PLPPR5: variants seen among roughly 807,000 people sequenced by gnomAD.
The protein encoded by PLPPR5 is phospholipid phosphatase related 5.
PLPPR5 carries 16 observed loss-of-function variants against 33.9 expected under a neutral mutation model. The observed-to-expected ratio is 0.47, with a 90% CI of 0.32 to 0.72. PLPPR5 has a LOEUF of 0.72. Among genes scored for constraint, PLPPR5 ranks in the 30% least tolerant of loss-of-function variants. The probability of loss-of-function intolerance (pLI) is 0.03; values close to 1 mark genes in which losing one functional copy is unlikely to be tolerated. For missense variants in PLPPR5, 301 were observed against 406.7 expected, an observed-to-expected ratio of 0.74 and a Z score of 2.23; for synonymous variants, 163 against 150.3, an observed-to-expected ratio of 1.08 and a Z score of -0.62.
intron 1 of PLPPR5, among the ~76,000 whole-genome samples, chr1:98,958,728 T>A (rs557270166): frequency 6.6e-6 from 1 of 152,348 alleles, no homozygotes; most frequent in East Asian, 1.9e-4. Flanking sequence ...TACCTCCTCT[T>A]CAGTGCACCT....
intron 3 of PLPPR5, among the ~76,000 whole-genome samples, chr1:98,943,738 G>C (rs951077980): frequency 5.3e-5 from 8 of 152,206 alleles, no homozygotes; most frequent in African/African-American, 1.9e-4. Context: ...CACCTCTCAA[G>C]ATCTCAATAA....
chr1:98,901,535 T>C, intron 5 of PLPPR5, among the ~76,000 whole-genome samples: 1 of 152,132 alleles, frequency 6.6e-6, no homozygotes, highest in East Asian at 1.9e-4. Context: ...AAATTTGGTG[T>C]GTCAGTTATT....
intron 1 of PLPPR5, 110 bp from the exon 2 acceptor site, chr1:98,956,851 A>C: frequency 2.0e-4 from 157 of 782,808 alleles, no homozygotes; most frequent in Non-Finnish European, 2.6e-4. Context: ...TAATAATCTC[A>C]ATGTAAAACA....
intron 5 of PLPPR5, among the ~76,000 whole-genome samples, chr1:98,897,099 A>G (rs1021490279): frequency 3.3e-5 from 5 of 152,176 alleles, no homozygotes; most frequent in African/African-American, 9.6e-5. Flanking sequence ...TATTTGAAAG[A>G]TTAATAATTA....
intron 5 of PLPPR5, 69 bp from the exon 6 acceptor site, chr1:98,893,173 C>G (rs1017954278): frequency 2.1e-6 from 3 of 1,410,904 alleles, no homozygotes; most frequent in African/African-American, 2.9e-5. Context: ...TATGTAGTAC[C>G]TTTACAAATA....
At chr1:98,929,035 C>T (rs979693317) in intron 3 of PLPPR5, among the ~76,000 whole-genome samples, 7 of 152,042 alleles carry the variant, frequency 4.6e-5, no homozygotes, top group African/African-American at 1.2e-4. Flanking sequence ...TAGGAGATTC[C>T]GTATTTAGTC....
intron 3 of PLPPR5, among the ~76,000 whole-genome samples, chr1:98,950,239 C>T (rs751881887): frequency 1.4e-4 from 22 of 151,782 alleles, no homozygotes; most frequent in Non-Finnish European, 2.9e-4. Context: ...GAAAATGCTA[C>T]GAGGATTCAA....
intron 1 of PLPPR5, among the ~76,000 whole-genome samples, chr1:98,975,232 T>C (rs529420506): frequency 1.3e-5 from 2 of 152,194 alleles, no homozygotes; most frequent in African/African-American, 4.8e-5. Context: ...TTCATCTCAT[T>C]GGTTTATAGA....
At chr1:98,913,735 T>C (rs191084337) in intron 5 of PLPPR5, among the ~76,000 whole-genome samples, 5 of 152,298 alleles carry the variant, frequency 3.3e-5, no homozygotes, top group South Asian at 4.1e-4. Flanking sequence ...AGCTAAGATA[T>C]TGACCAAATG....
chr1:98,965,643 T>C (rs1184793999), intron 1 of PLPPR5, among the ~76,000 whole-genome samples: 1 of 152,212 alleles, frequency 6.6e-6, no homozygotes, highest in Non-Finnish European at 1.5e-5. Flanking sequence ...ATAGTCCAAC[T>C]TTGTGATCTA....
chr1:99,004,223 T>C, intron 1 of PLPPR5: 1 of 554,094 alleles, frequency 1.8e-6, no homozygotes, highest in Non-Finnish European at 3.2e-6. Context: ...CACCGCGGGG[T>C]GTGGGGGGGT....
rs868578211 is a variant in PLPPR5 at position 98,955,673 on chromosome 1, G to A, written c.370+936C>T. On this transcript the variant is annotated intron_variant, in intron 2 of 5. Coordinates refer to ENST00000263177, the MANE Select transcript of PLPPR5 (RefSeq NM_001037317.2). ...TTTAATGGGTTTATAGATAGATTAG[G>A]TGATCTATGCATAATATCTTCAAAG... Among the ~76,000 whole-genome samples the A allele has an allele frequency of 1.2e-3, 181 of 152,036 alleles. 1 individual carries two copies. Among genetic ancestry groups the A allele is most frequent in the African/African-American group, 4.1e-3 (171 of 41,516 alleles).
At chr1:98,973,069 A>G (rs11582650) in intron 1 of PLPPR5, among the ~76,000 whole-genome samples, 13,828 of 152,058 alleles carry the variant, frequency 0.091, 732 homozygotes, top group Non-Finnish European at 0.11. Context: ...TCTTTGACCT[A>G]TTGTTCAGAT....
intron 4 of PLPPR5, among the ~76,000 whole-genome samples, chr1:98,919,674 C>A (rs1649476497): frequency 6.6e-6 from 1 of 152,162 alleles, no homozygotes; most frequent in Admixed American, 6.6e-5. Context: ...CCACTGAGGG[C>A]CAATTTGCAC....
At position 98,894,507 on chromosome 1, in the gene PLPPR5, G is replaced by A. The variant is rs191674931; in HGVS notation, c.934-1403C>T. ...ATATAGAGTGTTTCAGCACAAAACCGTCATGAACATCACACTTCTTAATAG... is the reference window on the plus strand; with the variant it reads ...ATATAGAGTGTTTCAGCACAAAACCATCATGAACATCACACTTCTTAATAG... On this transcript the variant is annotated intron_variant, in intron 5 of 5. Transcript: ENST00000263177. Among the ~76,000 whole-genome samples the A allele has an allele frequency of 2.1e-3, 326 of 152,170 alleles. 1 individual carries two copies. Among genetic ancestry groups the A allele is most frequent in the Non-Finnish European group, 3.4e-3 (231 of 67,984 alleles).
At chr1:98,951,131 C>G (rs1237790781) in intron 3 of PLPPR5, among the ~76,000 whole-genome samples, 1 of 152,130 alleles carries the variant, frequency 6.6e-6, no homozygotes, top group Admixed American at 6.6e-5. Context: ...GCAATTCATA[C>G]CCAGATACAA....
At chr1:98,955,058 T>C (rs1452256238) in intron 2 of PLPPR5, among the ~76,000 whole-genome samples, 1 of 152,076 alleles carries the variant, frequency 6.6e-6, no homozygotes, top group Non-Finnish European at 1.5e-5. Context: ...TGTAAGTGTA[T>C]CTACACTTAC....
intron 1 of PLPPR5, among the ~76,000 whole-genome samples, chr1:98,962,399 G>A (rs973082703): frequency 1.3e-5 from 2 of 152,058 alleles, no homozygotes; most frequent in African/African-American, 2.4e-5. Flanking sequence ...TCACCATGTT[G>A]CACAAGAGAT....
At chr1:98,931,395 C>A (rs1290930999) in intron 3 of PLPPR5, among the ~76,000 whole-genome samples, 1 of 152,100 alleles carries the variant, frequency 6.6e-6, no homozygotes, top group Non-Finnish European at 1.5e-5. Context: ...GACATTGGTA[C>A]TCAACAACAG....
Sources: gnomAD v4.1 joint callset for allele counts (sites outside exome capture counted in the v4.1 genomes callset) on GRCh38, gnomAD v4.1.1 for gene constraint, MANE v1.5 for transcripts, NCBI Gene and HGNC (gene_info 2026-07-23, HGNC 2026-07-21) for gene names.